Variants in FAM20C observed in about 807,000 individuals in gnomAD.
The protein encoded by FAM20C is extracellular serine/threonine protein kinase FAM20C.
FAM20C carries 40 observed loss-of-function variants against 51.5 expected under a neutral mutation model. The ratio of observed to expected loss-of-function variants is 0.78; its 90% confidence interval spans 0.60 to 1.01. FAM20C has a LOEUF of 1.01. Among genes scored for constraint, FAM20C ranks in the 50% least tolerant of loss-of-function variants. The probability of loss-of-function intolerance (pLI) is 0.00; values close to 1 mark genes in which losing one functional copy is unlikely to be tolerated. For missense variants in FAM20C, 861 were observed against 844.7 expected (o/e 1.02, Z -0.24); for synonymous variants, 406 against 380.6 (o/e 1.07, Z -0.78).
At chr7:217,686 A>G (rs373656411) in intron 3 of FAM20C, among the ~76,000 whole-genome samples, 2 of 152,170 alleles carry the variant, frequency 1.3e-5, no homozygotes, top group East Asian at 3.9e-4. Context: ...GGTTCTCTGC[A>G]GTCCCACGTG....
In FAM20C at chr7:230,022, G is replaced by A. The variant is rs1177686871; in HGVS notation, c.864-16393G>A. ...TGGGGAAGGACCAGCTTCCGCTTCCGCGACCCTCTGGAAGGTGCCCCGAGT... is the reference window on the plus strand; with the variant it reads ...TGGGGAAGGACCAGCTTCCGCTTCCACGACCCTCTGGAAGGTGCCCCGAGT... On this transcript the variant is annotated intron_variant, in intron 3 of 9. Coordinates refer to ENST00000313766, the MANE Select transcript of FAM20C (RefSeq NM_020223.4). Among the ~76,000 whole-genome samples, 5 of 152,298 alleles carry A rather than the reference G, an allele frequency of 3.3e-5. No homozygotes were observed. In the East Asian group the frequency reaches 7.7e-4, roughly 24 times the overall value.
chr7:259,291 C>A (rs1788773777), intron 9 of FAM20C, among the ~76,000 whole-genome samples: 1 of 152,226 alleles, frequency 6.6e-6, no homozygotes, highest in East Asian at 1.9e-4. Flanking sequence ...GGGAAATACA[C>A]CGGCCACCAC....
intron 8 of FAM20C, 130 bp downstream of exon 8, chr7:257,216 C>G: frequency 4.2e-6 from 4 of 954,574 alleles, no homozygotes; most frequent in Non-Finnish European, 6.2e-6. Context: ...TCGCAAAGGC[C>G]CATCTCAGAG....
intron 2 of FAM20C, among the ~76,000 whole-genome samples, chr7:206,910 C>T (rs1328709701): frequency 4.7e-5 from 2 of 42,616 alleles, no homozygotes; most frequent in African/African-American, 1.1e-4. Context: ...GCGTCGGTCA[C>T]TGTCCCCTCG....
intron 5 of FAM20C, among the ~76,000 whole-genome samples, chr7:249,325 G>A (rs1226078748): frequency 6.6e-6 from 1 of 152,266 alleles, no homozygotes; most frequent in Admixed American, 6.5e-5. Context: ...CTGAACGTTA[G>A]GCAGGAATAG....
At chr7:249,832 T>G (rs951196627) in intron 5 of FAM20C, among the ~76,000 whole-genome samples, 9 of 152,228 alleles carry the variant, frequency 5.9e-5, no homozygotes, top group African/African-American at 2.2e-4. Context: ...AGGCCCCTGC[T>G]GCACAGCCTG....
At chr7:211,136 C>G (rs1031590824) in intron 3 of FAM20C, among the ~76,000 whole-genome samples, 49 of 124,710 alleles carry the variant, frequency 3.9e-4, no homozygotes, top group African/African-American at 1.3e-3. Flanking sequence ...CCTCCTCCCC[C>G]GTCAGCCTCC....
chr7:192,799 G>A lies in FAM20C; in HGVS notation c.-401G>A, dbSNP rs1273430451. On this transcript the variant is annotated 5_prime_UTR_variant, in exon 1 of 10. Coordinates refer to ENST00000313766, the MANE Select transcript of FAM20C (RefSeq NM_020223.4). Reference sequence around the variant, plus strand: ...GCGCGCTGAGGATCGGGACGCCTGCGGCCGCCGCCACCGCCCAGGCCCGTC... The same window carrying A: ...GCGCGCTGAGGATCGGGACGCCTGCAGCCGCCGCCACCGCCCAGGCCCGTC... Among the ~76,000 whole-genome samples, 2 of 146,492 alleles carry A rather than the reference G, an allele frequency of 1.4e-5. No individual in the cohort carries two copies. Among genetic ancestry groups the A allele is most frequent in the Non-Finnish European group, 3.0e-5 (2 of 65,902 alleles).
chr7:203,262 G>C (rs112520823), intron 2 of FAM20C, among the ~76,000 whole-genome samples: 25 of 152,364 alleles, frequency 1.6e-4, no homozygotes, highest in African/African-American at 5.8e-4. Flanking sequence ...GGGCGTCTCC[G>C]TCAGTCCCGT....
intron 3 of FAM20C, among the ~76,000 whole-genome samples, chr7:243,137 C>T (rs1367251906): frequency 1.4e-5 from 1 of 72,598 alleles, no homozygotes; most frequent in Non-Finnish European, 2.7e-5. Flanking sequence ...CTGTGCCACC[C>T]GGGAGACCTG....
At chr7:216,660 T>TGA (rs1562376263) in intron 3 of FAM20C, among the ~76,000 whole-genome samples, 5 of 138,080 alleles carry the variant, frequency 3.6e-5, no homozygotes, top group Admixed American at 7.5e-5. Flanking sequence ...TGAGTGTGTG[T>TGA]GTGAGAGACA....
intron 3 of FAM20C, among the ~76,000 whole-genome samples, chr7:226,470 A>G (rs995481037): frequency 6.6e-6 from 1 of 152,180 alleles, no homozygotes; most frequent in Non-Finnish European, 1.5e-5. Context: ...ACGAGGGCCC[A>G]AGGCTCAGGG....
intron 2 of FAM20C, among the ~76,000 whole-genome samples, chr7:206,798 C>T (rs1786425571): frequency 7.3e-6 from 1 of 136,500 alleles, no homozygotes; most frequent in African/African-American, 2.9e-5. Context: ...GCACACGTGT[C>T]CACTGTGACG....
At chr7:196,438 C>A (rs1785876306) in intron 2 of FAM20C, among the ~76,000 whole-genome samples, 1 of 152,188 alleles carries the variant, frequency 6.6e-6, no homozygotes, top group African/African-American at 2.4e-5. Flanking sequence ...TGTGAAGGTC[C>A]CATTTGTCAC....
intron 5 of FAM20C, among the ~76,000 whole-genome samples, chr7:254,248 G>T (rs760086479): frequency 3.9e-5 from 6 of 152,176 alleles, no homozygotes; most frequent in Admixed American, 2.0e-4. Flanking sequence ...TGTTCACTCC[G>T]CTGGGAAGCG....
chr7:222,265 G>A (rs1787261183), intron 3 of FAM20C, among the ~76,000 whole-genome samples: 1 of 152,158 alleles, frequency 6.6e-6, no homozygotes, highest in African/African-American at 2.4e-5. Flanking sequence ...TGGAGAGTGA[G>A]CGCCCTGTGA....
At chr7:228,559 C>T (rs889268369) in intron 3 of FAM20C, 5 of 456,082 alleles carry the variant, frequency 1.1e-5, no homozygotes, top group African/African-American at 8.0e-5. Flanking sequence ...GGGAGACGCC[C>T]GCTGCCTACA....
chr7:245,029 G>A (rs928160711), intron 3 of FAM20C, among the ~76,000 whole-genome samples: 3 of 152,224 alleles, frequency 2.0e-5, no homozygotes, highest in African/African-American at 7.2e-5. Context: ...GAAGGGACGT[G>A]GACATGACAT....
chr7:207,810 C>G (rs900513742), intron 2 of FAM20C, among the ~76,000 whole-genome samples: 1 of 152,226 alleles, frequency 6.6e-6, no homozygotes, highest in African/African-American at 2.4e-5. Context: ...GCTTAGCTCC[C>G]GGGGCTGCCC....
Sources: allele counts gnomAD v4.1 joint callset (sites outside exome capture counted in the v4.1 genomes callset), GRCh38; gene constraint gnomAD v4.1.1; transcripts MANE v1.5; gene names NCBI Gene and HGNC (gene_info 2026-07-23, HGNC 2026-07-21).